Variants in PKNOX2 observed in about 807,000 individuals in gnomAD.
The protein encoded by PKNOX2 is PBX/knotted 1 homeobox 2, also known as homeobox protein PKNOX2.
In PKNOX2, 14 loss-of-function variants were observed where a neutral mutation model predicts 53.1. The ratio of observed to expected loss-of-function variants is 0.26; its 90% CI spans 0.17 to 0.41. The LOEUF (loss-of-function observed/expected upper bound fraction) is 0.41, where lower values mean the gene tolerates loss of function less well. Among genes scored for constraint, PKNOX2 ranks in the 10% least tolerant of loss-of-function variants. The pLI is 1.00. For missense variants in PKNOX2, 496 were observed against 602.8 expected (o/e 0.82, Z 1.85); for synonymous variants, 257 against 242.8 (o/e 1.06, Z -0.54).
chr11:125,293,768 CACAT>C lies in PKNOX2; in HGVS notation c.-129-38048_-129-38045del, dbSNP rs1328195798. On this transcript the variant is annotated intron_variant, in intron 2 of 12. Coordinates refer to ENST00000298282, the MANE Select transcript of PKNOX2 (RefSeq NM_001382323.2). ...ACACACACTCACACACACCCACACTCACATACTGACACAGACACGCTCACACACA... is the reference window on the plus strand; with the variant it reads ...ACACACACTCACACACACCCACACTCACTGACACAGACACGCTCACACACA... Among the ~76,000 whole-genome samples, 6 of 151,208 alleles carry C rather than the reference CACAT, an allele frequency of 4.0e-5. No homozygotes were observed. The South Asian group carries it at 6.3e-4, about 16-fold the overall frequency.
At chr11:125,405,498 C>CA (rs1286675467) in intron 7 of PKNOX2, among the ~76,000 whole-genome samples, 4 of 144,256 alleles carry the variant, frequency 2.8e-5, no homozygotes, top group Non-Finnish European at 4.7e-5. Context: ...TGGGCCCCTG[C>CA]ACCCCCCACT....
At chr11:125,315,303 G>GCAAAAAAAAAAAAAA (rs1949087067) in intron 2 of PKNOX2, among the ~76,000 whole-genome samples, 1 of 79,456 alleles carries the variant, frequency 1.3e-5, no homozygotes, top group African/African-American at 3.9e-5. Context: ...TGTGAAGCAG[G>GCAAAAAAAAAAAAAA]AAAAAAAAAA....
At chr11:125,367,710 A>T (rs1404288813) in intron 4 of PKNOX2, 136 bp from the exon 5 acceptor site, 1 of 888,346 alleles carries the variant, frequency 1.1e-6, no homozygotes, top group Non-Finnish European at 1.6e-6. Context: ...ATGGATGCTC[A>T]TTGTGTGCTC....
chr11:125,369,929 G>A (rs868583271), intron 5 of PKNOX2, among the ~76,000 whole-genome samples: 74 of 152,144 alleles, frequency 4.9e-4, no homozygotes, highest in Non-Finnish European at 1.6e-4. Context: ...TATCACCTGG[G>A]AGCAGATTAG....
rs1319020066 is a variant in PKNOX2, at chr11:125,183,307, C to T, written c.-201+18531C>T. Among the ~76,000 whole-genome samples, 11 of 67,978 alleles carry T rather than the reference C, an allele frequency of 1.6e-4. 3 individuals are homozygous for T. Among genetic ancestry groups the T allele is most frequent in the African/African-American group, 6.0e-4 (11 of 18,362 alleles). 44.6% of individuals were successfully genotyped at this position (67,978 alleles called of 152,430 possible). On this transcript the variant is annotated intron_variant, in intron 1 of 12. Transcript: ENST00000298282. The stretch of plus-strand genomic sequence containing the variant: ...TCTCGGCTCACTGCAAGCTCCGCTT[C>T]CCGGGTTCACGCCATTCTCCTGCCT...
At chr11:125,246,632 T>C (rs959101710) in intron 2 of PKNOX2, among the ~76,000 whole-genome samples, 1 of 152,194 alleles carries the variant, frequency 6.6e-6, no homozygotes, top group Non-Finnish European at 1.5e-5. Context: ...TATGACCATG[T>C]CTTAGCCTTA....
chr11:125,213,756 C>T (rs1308863071), intron 1 of PKNOX2, among the ~76,000 whole-genome samples: 9 of 152,108 alleles, frequency 5.9e-5, no homozygotes, highest in Non-Finnish European at 8.8e-5. Context: ...CTGTGCCTGG[C>T]CCAAAAGTTA....
At chr11:125,181,748 C>T (rs140262941) in intron 1 of PKNOX2, among the ~76,000 whole-genome samples, 40 of 152,274 alleles carry the variant, frequency 2.6e-4, no homozygotes, top group African/African-American at 8.9e-4. Flanking sequence ...TTGGGAGATT[C>T]GGAGAAGATC....
chr11:125,420,227 T>TA (rs1956101337), intron 10 of PKNOX2, among the ~76,000 whole-genome samples: 5 of 25,482 alleles, frequency 2.0e-4, no homozygotes, highest in African/African-American at 2.8e-4. Context: ...AGTTTTTTAT[T>TA]TAAAAAAAAA....
intron 1 of PKNOX2, among the ~76,000 whole-genome samples, chr11:125,196,016 C>T (rs1591477272): frequency 1.3e-5 from 2 of 152,042 alleles, no homozygotes; most frequent in Non-Finnish European, 2.9e-5. Flanking sequence ...ACTTAGGTGG[C>T]CTCTGGGTCT....
At chr11:125,401,551 C>G (rs954757458) in intron 7 of PKNOX2, among the ~76,000 whole-genome samples, 1 of 152,158 alleles carries the variant, frequency 6.6e-6, no homozygotes, top group African/African-American at 2.4e-5. Flanking sequence ...TCTGGCCATC[C>G]CTCGGCCCAC....
At chr11:125,337,952 C>T (rs1473466373) in intron 3 of PKNOX2, among the ~76,000 whole-genome samples, 1 of 152,192 alleles carries the variant, frequency 6.6e-6, no homozygotes, top group Non-Finnish European at 1.5e-5. Context: ...GGTTGTCTGA[C>T]AGTCTGCCCT....
chr11:125,237,589 A>C lies in PKNOX2; in HGVS notation c.-130+2474A>C, dbSNP rs1159058472. Among the ~76,000 whole-genome samples, 3 of 152,180 alleles carry C rather than the reference A, an allele frequency of 2.0e-5. No individual in the cohort carries two copies. In the East Asian group the frequency reaches 5.8e-4, roughly 29 times the overall value. On this transcript the variant is annotated intron_variant, in intron 2 of 12. Coordinates refer to ENST00000298282, the MANE Select transcript of PKNOX2 (RefSeq NM_001382323.2). Reference sequence around the variant, plus strand: ...TTGGGGGTGATTTGTTCTCCCTAGAAAGACAGGCTAAAGAACCCCCTGCCT... The same window carrying C: ...TTGGGGGTGATTTGTTCTCCCTAGACAGACAGGCTAAAGAACCCCCTGCCT...
At chr11:125,302,676 G>A (rs1421609445) in intron 2 of PKNOX2, among the ~76,000 whole-genome samples, 3 of 152,132 alleles carry the variant, frequency 2.0e-5, no homozygotes, top group African/African-American at 2.4e-5. Flanking sequence ...TCAGCCCCAC[G>A]TGCATCCCAT....
intron 1 of PKNOX2, among the ~76,000 whole-genome samples, chr11:125,174,935 A>G (rs1267014731): frequency 1.3e-5 from 2 of 152,052 alleles, no homozygotes; most frequent in African/African-American, 4.8e-5. Flanking sequence ...GGCCCTCTTG[A>G]CTTGTGAGAC....
intron 5 of PKNOX2, among the ~76,000 whole-genome samples, chr11:125,383,612 C>CA (rs1026670326): frequency 1.4e-4 from 21 of 151,882 alleles, no homozygotes; most frequent in Admixed American, 1.2e-3. Flanking sequence ...GCAAGACTGT[C>CA]AAAAAAACAA....
chr11:125,383,942 AAAAAAC>A (rs1953434248), intron 5 of PKNOX2, among the ~76,000 whole-genome samples: 1 of 151,836 alleles, frequency 6.6e-6, no homozygotes, highest in African/African-American at 2.4e-5. Flanking sequence ...CAAAAAACAA[AAAAAAC>A]AAAACAAAAC....
intron 2 of PKNOX2, among the ~76,000 whole-genome samples, chr11:125,306,380 C>A (rs1490724973): frequency 6.6e-6 from 1 of 152,208 alleles, no homozygotes; most frequent in Non-Finnish European, 1.5e-5. Context: ...GGTTTAGGTG[C>A]CATTGAAGTC....
rs528528885 is a variant in PKNOX2 at position 125,298,257 on chromosome 11, G to A, written c.-129-33562G>A. ...GGGCCTTGCATAGGATGCTCTTAAA[G>A]CTGGGCACTGGGAGACCTGGAAAAT... On this transcript the variant is annotated intron_variant, in intron 2 of 12. Transcript: ENST00000298282. 2.6e-5 allele frequency among the ~76,000 whole-genome samples: 4 copies of A among 152,320 alleles called. 1 individual carries two copies. The South Asian group carries it at 8.3e-4, about 32-fold the overall frequency.
Sources: gnomAD v4.1 joint callset for allele counts (sites outside exome capture counted in the v4.1 genomes callset) on GRCh38, gnomAD v4.1.1 for gene constraint, MANE v1.5 for transcripts, NCBI Gene and HGNC (gene_info 2026-07-23, HGNC 2026-07-21) for gene names.